The following CPLANE1 variants were observed in gnomAD, a reference collection of about 807,000 sequenced individuals.
CPLANE1 encodes ciliogenesis and planar polarity effector complex subunit 1.
A neutral mutation model predicts 362.5 loss-of-function variants in CPLANE1; 263 were observed. The observed-to-expected ratio is 0.73, with a 90% CI of 0.66 to 0.80. The LOEUF (loss-of-function observed/expected upper bound fraction) is 0.80, where lower values mean the gene tolerates loss of function less well. Among genes scored for constraint, CPLANE1 ranks in the 30% least tolerant of loss-of-function variants. The probability of loss-of-function intolerance (pLI) is 0.00; values close to 1 mark genes in which losing one functional copy is unlikely to be tolerated. For synonymous variants in CPLANE1, 1,212 were observed against 1,302.6 expected (o/e 0.93, Z 1.50); for missense variants, 3,461 against 3,793.4 (o/e 0.91, Z 2.30).
chr5:37,170,355 C>G, intron 32 of CPLANE1, 24 bp from the exon 33 acceptor site: 1 of 1,588,358 alleles, frequency 6.3e-7, no homozygotes, highest in Non-Finnish European at 8.6e-7. Context: ...AAAATTGAAG[C>G]GATATCTTAA....
chr5:37,113,507 G>A (rs1759948906), intron 51 of CPLANE1, among the ~76,000 whole-genome samples: 5 of 152,162 alleles, frequency 3.3e-5, no homozygotes, highest in Admixed American at 3.3e-4. Flanking sequence ...CACAAGCACA[G>A]GAAATGATGC....
intron 47 of CPLANE1, among the ~76,000 whole-genome samples, chr5:37,123,650 G>C (rs1174522435): frequency 6.6e-6 from 1 of 152,060 alleles, no homozygotes; most frequent in Admixed American, 6.6e-5. Flanking sequence ...TGAGTAGTTA[G>C]GACTACAGGC....
rs772636443 is a variant in CPLANE1 at position 37,209,932 on chromosome 5, G to A, written c.2921-3507C>T. The A allele has an allele frequency of 8.1e-6, 11 of 1,359,238 alleles. No individual in the cohort carries two copies. The highest frequency in any genetic ancestry group is 4.6e-5 in the East Asian group (2 of 43,692). 84.2% of individuals were successfully genotyped at this position (1,359,238 alleles called of 1,614,324 possible). ...CAGTTTGCAGATGCTTACCCTCAGC[G>A]TATCAAGTTTGAGTCTTTAGAAATA... On this transcript the variant is annotated intron_variant, in intron 16 of 52. Transcript: ENST00000651892. The surrounding 1 kb of genome is among the most constrained non-coding windows in gnomAD (Gnocchi z 4.6).
At position 37,125,475 on chromosome 5, in the gene CPLANE1, G is replaced by A. The variant is rs139364182; in HGVS notation, c.8793-66C>T. The A allele has an allele frequency of 5.2e-4, 752 of 1,433,588 alleles. 3 individuals are homozygous for A. The African/African-American group carries it at 9.3e-3, about 18-fold the overall frequency. 88.8% of individuals were successfully genotyped at this position (1,433,588 alleles called of 1,614,324 possible). On this transcript the variant is annotated intron_variant, in intron 46 of 52. Coordinates refer to ENST00000651892, the MANE Select transcript of CPLANE1 (RefSeq NM_001384732.1). ...TTGTTAAGCAGATAAGATATATCAT[G>A]ACTAAACACTATTTATCCGGAAATA...
chr5:37,246,472 A>AAGG (rs1283419705), intron 2 of CPLANE1: 1 of 152,106 alleles, frequency 6.6e-6, no homozygotes, highest in Non-Finnish European at 1.5e-5. Flanking sequence ...CATACCACTG[A>AAGG]ACCTGACTCT....
chr5:37,239,617 A>AT, intron 7 of CPLANE1, 96 bp downstream of exon 7: 1 of 865,274 alleles, frequency 1.2e-6, no homozygotes, highest in Non-Finnish European at 1.6e-6. Flanking sequence ...AGAAAAAAAA[A>AT]ATGGATATAA....
Position 37,114,995 on chromosome 5 carries a change from C to T in CPLANE1, c.9365G>A (p.Arg3122Lys), listed in dbSNP as rs1332890054. 2.5e-6 allele frequency: 4 copies of T among 1,611,448 alleles called. No homozygotes were observed. Among genetic ancestry groups the T allele is most frequent in the South Asian group, 2.2e-5 (2 of 90,556 alleles). Residue 3122 changes from arginine (R) to lysine (K), a missense_variant, in exon 51 of 53, where the codon AGA becomes AAA. Arg to Lys is a conservative substitution (Grantham distance 26). This residue lies in a region of CPLANE1 where 3,380 missense variants were observed against 3,666.1 expected (regional missense o/e 0.92). Transcript: ENST00000651892. Reference sequence around the variant, plus strand: ...GGTAACTGGAGACTGCGTAGCCTTTCTTACTGCTGCTTTGGCTCCACCAGC... The same window carrying T: ...GGTAACTGGAGACTGCGTAGCCTTTTTTACTGCTGCTTTGGCTCCACCAGC... ...KKAGGAKAAV[R>K]KATQSPVTFQ... is the part of the protein sequence containing the mutation.
At chr5:37,130,724 G>C (rs1561345596) in intron 46 of CPLANE1, 1 of 153,202 alleles carries the variant, frequency 6.5e-6, no homozygotes, top group African/African-American at 2.4e-5. Flanking sequence ...GTGATAAAGT[G>C]TAATACAGTG....
chr5:37,227,167 C>G, intron 11 of CPLANE1, 76 bp downstream of exon 11: 2 of 1,512,384 alleles, frequency 1.3e-6, no homozygotes, highest in Non-Finnish European at 1.8e-6. Context: ...TTCCCTTTAA[C>G]AAGAGAAAAA....
In CPLANE1 at chr5:37,178,370, C is replaced by T. The variant is rs1781769296; in HGVS notation, c.5821-670G>A. On this transcript the variant is annotated intron_variant, in intron 29 of 52. Coordinates refer to ENST00000651892, the MANE Select transcript of CPLANE1 (RefSeq NM_001384732.1). Reference sequence around the variant, plus strand: ...GTGGCTCACACCTGTAATTTCAGCACTTTGAGAGGTTGAGGCTAGGAGTTC... The same window carrying T: ...GTGGCTCACACCTGTAATTTCAGCATTTTGAGAGGTTGAGGCTAGGAGTTC... Among the ~76,000 whole-genome samples, 9 of 151,872 alleles carry T rather than the reference C, an allele frequency of 5.9e-5. No homozygotes were observed. In the South Asian group the frequency reaches 1.9e-3, roughly 32 times the overall value.
chr5:37,108,564 G>C, intron 51 of CPLANE1, 93 bp from the exon 52 acceptor site: 1 of 1,174,828 alleles, frequency 8.5e-7, no homozygotes. Context: ...CAAAGCCAAG[G>C]TAGTCACATT....
At chr5:37,137,600 T>TA (rs1409180377) in intron 46 of CPLANE1, among the ~76,000 whole-genome samples, 1 of 152,206 alleles carries the variant, frequency 6.6e-6, no homozygotes, top group Non-Finnish European at 1.5e-5. Context: ...GAGGTGTAAT[T>TA]AACTCACAGT....
chr5:37,124,591 C>G (rs114042224), intron 47 of CPLANE1, among the ~76,000 whole-genome samples: 185 of 152,236 alleles, frequency 1.2e-3, no homozygotes, highest in African/African-American at 4.4e-3. Context: ...CGCCCTTTGT[C>G]TCCCAGGCTG....
At position 37,148,093 on chromosome 5, in the gene CPLANE1, C is replaced by T; in HGVS notation, c.8461+88G>A. The T allele has an allele frequency of 4.9e-6, 4 of 812,542 alleles. No individual in the cohort carries two copies. The Admixed American group carries it at 8.1e-5, about 17-fold the overall frequency. The allele number at this position is 812,542 out of a possible 1,614,324, so 50.3% of individuals were successfully genotyped here. ...TTCAGCTCACATAATGAAAACTACTCCTACTTCTGGCACTCCACAAAACAA... is the reference window on the plus strand; with the variant it reads ...TTCAGCTCACATAATGAAAACTACTTCTACTTCTGGCACTCCACAAAACAA... On this transcript the variant is annotated intron_variant, in intron 43 of 52. Coordinates refer to ENST00000651892, the MANE Select transcript of CPLANE1 (RefSeq NM_001384732.1).
intron 19 of CPLANE1, among the ~76,000 whole-genome samples, chr5:37,200,721 G>A (rs1446781299): frequency 6.6e-6 from 1 of 151,518 alleles, no homozygotes; most frequent in Non-Finnish European, 1.5e-5. Flanking sequence ...AATAAGAGCA[G>A]ATAAAAAGTT....
Position 37,226,965 on chromosome 5 carries a change from A to G in CPLANE1, c.1630T>C (p.Leu544=), listed in dbSNP as rs925081968. The G allele has an allele frequency of 7.1e-6, 11 of 1,551,772 alleles. No individual in the cohort carries two copies. In the African/African-American group the frequency reaches 1.5e-4, roughly 21 times the overall value. The change falls in exon 12 of 53, where the codon TTG becomes CTG. Residue 544 remains leucine (L), a synonymous_variant. Transcript: ENST00000651892. ...GTATCAAACATAGATGCAAATTCCAATCTTCCTTCCTTCATACTACTACAC... is the reference window on the plus strand; with the variant it reads ...GTATCAAACATAGATGCAAATTCCAGTCTTCCTTCCTTCATACTACTACAC... ...VLCSSMKEGR[L]EFASMFDTIH...
At chr5:37,103,096 GGATA>G, downstream of CPLANE1, among the ~76,000 whole-genome samples, 1 of 152,134 alleles carries the variant, frequency 6.6e-6, no homozygotes, top group East Asian at 1.9e-4. Flanking sequence ...TTTATATTTA[GGATA>G]GTTAGCTCTT....
At position 37,230,929 on chromosome 5, in the gene CPLANE1, A is replaced by G. The variant is rs751942640; in HGVS notation, c.1059T>C (p.Phe353=). The change falls in exon 9 of 53, where the codon TTT becomes TTC. Residue 353 remains phenylalanine, a synonymous_variant. Transcript: ENST00000651892. ...CTGGGCCAAATTCTATAGAGCAACCAAATGTAATTAATGTTAGCAATTCAC... is the reference window on the plus strand; with the variant it reads ...CTGGGCCAAATTCTATAGAGCAACCGAATGTAATTAATGTTAGCAATTCAC... The part of the protein sequence containing the change: ...CQGELLTLIT[F]GCSIEFGPAE... 19 of 1,550,352 alleles carry G rather than the reference A, an allele frequency of 1.2e-5. No homozygotes were observed. The South Asian group carries it at 2.3e-4, about 19-fold the overall frequency.
At position 37,183,203 on chromosome 5, in the gene CPLANE1, A is replaced by T; in HGVS notation, c.4978T>A (p.Phe1660Ile). The change falls in exon 26 of 53, where the codon TTT becomes ATT. Residue 1660 changes from phenylalanine (F) to isoleucine (I), a missense_variant. By Grantham distance (21) the Phe-to-Ile change is conservative (BLOSUM62 0). This residue lies in a region of CPLANE1 where 3,380 missense variants were observed against 3,666.1 expected (regional missense o/e 0.92). Coordinates refer to ENST00000651892, the MANE Select transcript of CPLANE1 (RefSeq NM_001384732.1). ...ACTTCATTCGAAGGATATTGTAAAA[A>T]AGGTTTGATCCCTTGATTAACCAGT... ...SVLVNQGIKP[F>I]LQYPSNEVNK... is the part of the protein sequence containing the mutation. The T allele has an allele frequency of 6.2e-7, 1 of 1,611,204 alleles. No individual in the cohort carries two copies. Among genetic ancestry groups the T allele is most frequent in the East Asian group, 2.2e-5 (1 of 44,820 alleles).
Sources: allele counts gnomAD v4.1 joint callset (sites outside exome capture counted in the v4.1 genomes callset), GRCh38; gene constraint gnomAD v4.1.1; regional missense constraint gnomAD v4.1.1; non-coding constraint Gnocchi (gnomAD v3.1); transcripts MANE v1.5; gene names NCBI Gene and HGNC (gene_info 2026-07-23, HGNC 2026-07-21).